KCNIP2: variants seen among roughly 807,000 people sequenced by gnomAD.
KCNIP2 encodes A-type potassium channel modulatory protein KCNIP2.
A neutral mutation model predicts 39.0 loss-of-function variants in KCNIP2; 19 were observed. The ratio of observed to expected loss-of-function variants is 0.49; its 90% CI spans 0.34 to 0.71. KCNIP2 has a LOEUF of 0.71. KCNIP2 is among the 30% of genes least tolerant of loss of function. The pLI, the probability that KCNIP2 is intolerant of heterozygous loss-of-function variation, is 0.01. For missense variants in KCNIP2, 261 were observed against 346.0 expected, an observed-to-expected ratio of 0.75 and a Z score of 1.95; for synonymous variants, 111 against 131.2, an observed-to-expected ratio of 0.85 and a Z score of 1.05.
At chr10:101,836,942 C>T (rs1404117042) in intron 1 of KCNIP2, among the ~76,000 whole-genome samples, 2 of 150,978 alleles carry the variant, frequency 1.3e-5, no homozygotes, top group African/African-American at 2.4e-5. Context: ...GCCTGAGCAA[C>T]AGAGCGAGAC....
rs1381516834 is a variant in KCNIP2 at position 101,838,339 on chromosome 10, A to C, written c.73+5157T>G. Among the ~76,000 whole-genome samples the C allele has an allele frequency of 6.6e-6, 1 of 152,108 alleles. No homozygotes were observed. The highest frequency in any genetic ancestry group is 1.9e-4 in the East Asian group (1 of 5,190). ...TATCATTTATTTATTTATCTCCCCCAGTTCAAATGTGAGTAACACTGCCTT... is the reference window on the plus strand; with the variant it reads ...TATCATTTATTTATTTATCTCCCCCCGTTCAAATGTGAGTAACACTGCCTT... On this transcript the variant is annotated intron_variant, in intron 1 of 9. Transcript: ENST00000356640. The surrounding 1 kb of genome is among the most constrained non-coding windows in gnomAD (Gnocchi z 4.0).
chr10:101,836,850 A>G (rs2066177244), intron 1 of KCNIP2, among the ~76,000 whole-genome samples: 1 of 152,166 alleles, frequency 6.6e-6, no homozygotes, highest in Non-Finnish European at 1.5e-5. Context: ...AATCCCAGCT[A>G]CTTGGGAGGC....
At chr10:101,839,925 T>C in intron 1 of KCNIP2, 1 of 1,380,954 alleles carries the variant, frequency 7.2e-7, no homozygotes, top group Non-Finnish European at 9.7e-7. Flanking sequence ...TAGGCCCGCG[T>C]GGGCGGCGCG....
At chr10:101,833,542 C>T (rs964361665) in intron 1 of KCNIP2, among the ~76,000 whole-genome samples, 3 of 152,146 alleles carry the variant, frequency 2.0e-5, no homozygotes, top group African/African-American at 7.2e-5. Context: ...GGGTATGGAG[C>T]TGGTATATCC....
chr10:101,828,124 AC>A lies in KCNIP2; in HGVS notation c.597+26del. On this transcript the variant is annotated intron_variant, in intron 7 of 9. Transcript: ENST00000356640. The surrounding 1 kb of genome is among the most constrained non-coding windows in gnomAD (Gnocchi z 6.6). The stretch of plus-strand genomic sequence containing the variant: ...CACGCCACCCCCATCACCGCCACAG[AC>A]CCCCAGCCCTTCAGTTGCCCTGCAC... The A allele has an allele frequency of 6.2e-7, 1 of 1,600,810 alleles. No homozygotes were observed. The highest frequency in any genetic ancestry group is 8.6e-7 in the Non-Finnish European group (1 of 1,168,618).
chr10:101,842,196 C>A (rs1262924750), intron 1 of KCNIP2, among the ~76,000 whole-genome samples: 1 of 152,260 alleles, frequency 6.6e-6, no homozygotes, highest in Non-Finnish European at 1.5e-5. Context: ...CCTCCTCCCA[C>A]TCTGCTGGCT....
intron 8 of KCNIP2, 53 bp from the exon 9 acceptor site, chr10:101,827,804 A>T: frequency 1.3e-6 from 2 of 1,544,874 alleles, no homozygotes; most frequent in Non-Finnish European, 1.8e-6. Flanking sequence ...AGAGAGAGGC[A>T]GACAGAAGTC....
At chr10:101,841,083 G>A (rs1309970499) in intron 1 of KCNIP2, among the ~76,000 whole-genome samples, 5 of 152,226 alleles carry the variant, frequency 3.3e-5, no homozygotes, top group Non-Finnish European at 5.9e-5. Flanking sequence ...GGGTCCGGGC[G>A]GGGCTCGGAC....
chr10:101,827,511 G>C, intron 9 of KCNIP2, 111 bp from the exon 10 acceptor site: 2 of 1,346,444 alleles, frequency 1.5e-6, no homozygotes, highest in Non-Finnish European at 2.1e-6. Flanking sequence ...AAAGCACAGA[G>C]GAAGGAGATG....
chr10:101,839,880 G>C, intron 1 of KCNIP2: 1 of 1,542,566 alleles, frequency 6.5e-7, no homozygotes, highest in Non-Finnish European at 8.7e-7. Flanking sequence ...CCACCCCCAG[G>C]CCCCGGGGCG....
At chr10:101,829,602 G>T in intron 3 of KCNIP2, 1 of 202,408 alleles carries the variant, frequency 4.9e-6, no homozygotes, top group South Asian at 7.3e-5. Context: ...CCCCAGCCTT[G>T]CCCCGCCCAA....
Position 101,840,061 on chromosome 10 carries a change from G to C in KCNIP2, c.73+3435C>G, listed in dbSNP as rs955870485. Among the ~76,000 whole-genome samples the C allele has an allele frequency of 9.9e-5, 15 of 151,868 alleles. 1 individual carries two copies. Among genetic ancestry groups the C allele is most frequent in the East Asian group, 5.8e-4 (3 of 5,166 alleles). ...GCCGCCCCCAAAGTTCCTGGACGGGGGGGGGGGGTGGCGGGGAGGGGCGGC... is the reference window on the plus strand; with the variant it reads ...GCCGCCCCCAAAGTTCCTGGACGGGCGGGGGGGGTGGCGGGGAGGGGCGGC... On this transcript the variant is annotated intron_variant, in intron 1 of 9. Coordinates refer to ENST00000356640, the MANE Select transcript of KCNIP2 (RefSeq NM_173191.3).
In KCNIP2 at chr10:101,839,875, C is replaced by T. The variant is rs770179724; in HGVS notation, c.73+3621G>A. The stretch of plus-strand genomic sequence containing the variant: ...GCGAGCTCGGCGTCTAAGCTCCACC[C>T]CCAGGCCCCGGGGCGGTCCGGTCTC... On this transcript the variant is annotated intron_variant, in intron 1 of 9. Transcript: ENST00000356640. 3.9e-6 allele frequency: 6 copies of T among 1,558,066 alleles called. No homozygotes were observed. In the Admixed American group the frequency reaches 9.4e-5, roughly 24 times the overall value.
In KCNIP2 at chr10:101,838,785, C is replaced by T. The variant is rs887227025; in HGVS notation, c.73+4711G>A. ...ACAGGCCCTATCTATACTCCAGGGG[C>T]TCAAGTGGATACCCATGGAGAGAGC... is the stretch of plus-strand genomic sequence containing the variant. On this transcript the variant is annotated intron_variant, in intron 1 of 9. Coordinates refer to ENST00000356640, the MANE Select transcript of KCNIP2 (RefSeq NM_173191.3). This position sits in a 1 kb window ranked among gnomAD's most constrained non-coding sequence, Gnocchi z 4.0. 2.6e-5 allele frequency among the ~76,000 whole-genome samples: 4 copies of T among 152,348 alleles called. No homozygotes were observed. Among genetic ancestry groups the T allele is most frequent in the Admixed American group, 6.5e-5 (1 of 15,310 alleles).
intron 2 of KCNIP2, among the ~76,000 whole-genome samples, chr10:101,830,720 C>A (rs1449644897): frequency 6.7e-6 from 1 of 149,852 alleles, no homozygotes; most frequent in Non-Finnish European, 1.5e-5. Flanking sequence ...CGCACGCAGG[C>A]CTGGGGCACG....
intron 4 of KCNIP2, 36 bp downstream of exon 4, chr10:101,829,039 C>T (rs2065861340): frequency 6.2e-7 from 1 of 1,602,874 alleles, no homozygotes; most frequent in Admixed American, 1.7e-5. Flanking sequence ...TCCTCCTGTC[C>T]CACCCTCGCT....
chr10:101,829,834 CG>C lies in KCNIP2; in HGVS notation c.223+9del. 1 of 1,452,498 alleles carries C rather than the reference CG, an allele frequency of 6.9e-7. No homozygotes were observed. The highest frequency in any genetic ancestry group is 9.0e-7 in the Non-Finnish European group (1 of 1,110,010). The allele number at this position is 1,452,498 out of a possible 1,614,324, so 90.0% of individuals were successfully genotyped here. A position where few individuals can be genotyped will look rare whatever the true frequency, so the allele number is the denominator to read the frequency against. Reference sequence around the variant, plus strand: ...TGCCCCGCCCCGCCCCCACCAGGAGCGTAAGTCACCTGGGTCCAGCAGGCGG... The same window carrying C: ...TGCCCCGCCCCGCCCCCACCAGGAGCTAAGTCACCTGGGTCCAGCAGGCGG... On this transcript the variant is annotated intron_variant, in intron 3 of 9. Transcript: ENST00000356640.
At chr10:101,839,394 A>G (rs1194644282) in intron 1 of KCNIP2, among the ~76,000 whole-genome samples, 2 of 152,086 alleles carry the variant, frequency 1.3e-5, no homozygotes, top group African/African-American at 4.8e-5. Flanking sequence ...AAAGGACTGA[A>G]CTTTTTCCCT....
Position 101,831,140 on chromosome 10 carries a change from GCTT to G in KCNIP2, c.98_100del (p.Lys33_Ala34delinsThr). ...CAGCTTGAGGAATCGCTGCTTCAGCGCTTTTTTAGTGGGCCCTGGAGGGTGGCC... is the reference window on the plus strand; with the variant it reads ...CAGCTTGAGGAATCGCTGCTTCAGCGTTTTAGTGGGCCCTGGAGGGTGGCC... On this transcript the variant is annotated inframe_deletion, in exon 2 of 10. Coordinates refer to ENST00000356640, the MANE Select transcript of KCNIP2 (RefSeq NM_173191.3). 1 of 1,611,040 alleles carries G rather than the reference GCTT, an allele frequency of 6.2e-7. No individual in the cohort carries two copies. The highest frequency in any genetic ancestry group is 8.5e-7 in the Non-Finnish European group (1 of 1,178,870).
Sources: allele counts gnomAD v4.1 joint callset (sites outside exome capture counted in the v4.1 genomes callset), GRCh38; gene constraint gnomAD v4.1.1; non-coding constraint Gnocchi (gnomAD v3.1); transcripts MANE v1.5; gene names NCBI Gene and HGNC (gene_info 2026-07-23, HGNC 2026-07-21).